Variants in CNTNAP2 observed in about 807,000 individuals in gnomAD.
The protein encoded by CNTNAP2 is contactin-associated protein-like 2.
A neutral mutation model predicts 155.2 loss-of-function variants in CNTNAP2; 98 were observed. The ratio of observed to expected loss-of-function variants is 0.63; its 90% CI spans 0.54 to 0.75. The LOEUF (loss-of-function observed/expected upper bound fraction) is 0.75. Ranked by LOEUF, CNTNAP2 falls within the 30% of genes least tolerant of loss-of-function variation. The probability of loss-of-function intolerance (pLI) is 0.00; values close to 1 mark genes in which losing one functional copy is unlikely to be tolerated. For missense variants in CNTNAP2, 1,727 were observed against 1,688.1 expected, an observed-to-expected ratio of 1.02 and a Z score of -0.40; for synonymous variants, 651 against 631.2, an observed-to-expected ratio of 1.03 and a Z score of -0.47.
chr7:147,200,679 T>G (rs1475425510), intron 8 of CNTNAP2, among the ~76,000 whole-genome samples: 1 of 152,192 alleles, frequency 6.6e-6, no homozygotes. Flanking sequence ...GATTAGTGTC[T>G]CTGCTCACAA....
At chr7:148,303,618 T>C (rs1422964279) in intron 21 of CNTNAP2, among the ~76,000 whole-genome samples, 1 of 152,204 alleles carries the variant, frequency 6.6e-6, no homozygotes, top group Non-Finnish European at 1.5e-5. Flanking sequence ...GACCCCAGAA[T>C]AGAAATATTT....
chr7:146,489,634 T>C (rs977617932), intron 1 of CNTNAP2, among the ~76,000 whole-genome samples: 3 of 152,166 alleles, frequency 2.0e-5, no homozygotes, highest in Non-Finnish European at 4.4e-5. Context: ...CCACTTGGCC[T>C]GCGTGTGCTA....
At chr7:148,295,720 T>G (rs10464471) in intron 21 of CNTNAP2, among the ~76,000 whole-genome samples, 1 of 151,306 alleles carries the variant, frequency 6.6e-6, no homozygotes, top group Non-Finnish European at 1.5e-5. Context: ...CTCCATCTCC[T>G]GACCTCGTGA....
intron 15 of CNTNAP2, among the ~76,000 whole-genome samples, chr7:148,034,359 G>T (rs2116467488): frequency 6.6e-6 from 1 of 152,256 alleles, no homozygotes; most frequent in African/African-American, 2.4e-5. Context: ...CAGGGATATT[G>T]GGAGGTTAAG....
chr7:147,522,543 A>T (rs1203090739), intron 11 of CNTNAP2, among the ~76,000 whole-genome samples: 1 of 152,132 alleles, frequency 6.6e-6, no homozygotes, highest in Non-Finnish European at 1.5e-5. Context: ...ATTAAAAAAA[A>T]ATTTCAAGGG....
intron 1 of CNTNAP2, among the ~76,000 whole-genome samples, chr7:146,713,895 G>A (rs1226687143): frequency 6.6e-6 from 1 of 152,070 alleles, no homozygotes; most frequent in African/African-American, 2.4e-5. Context: ...CTAATACCTA[G>A]CTCAGAGCAT....
chr7:148,337,184 C>A (rs1798135115), intron 21 of CNTNAP2, among the ~76,000 whole-genome samples: 1 of 152,108 alleles, frequency 6.6e-6, no homozygotes, highest in Non-Finnish European at 1.5e-5. Context: ...GCAGACACCC[C>A]ACTAAAGCTG....
At chr7:146,854,780 G>T (rs559949433) in intron 3 of CNTNAP2, among the ~76,000 whole-genome samples, 76 of 152,212 alleles carry the variant, frequency 5.0e-4, no homozygotes, top group Non-Finnish European at 7.6e-4. Flanking sequence ...ATATGAAACA[G>T]GCATCATTGT....
chr7:147,062,531 T>A (rs1799703864), intron 4 of CNTNAP2, among the ~76,000 whole-genome samples: 1 of 152,142 alleles, frequency 6.6e-6, no homozygotes, highest in African/African-American at 2.4e-5. Flanking sequence ...ACTAAATGGG[T>A]ATATTTGAGA....
intron 21 of CNTNAP2, among the ~76,000 whole-genome samples, chr7:148,331,571 G>T (rs1798014043): frequency 2.2e-5 from 1 of 45,468 alleles, no homozygotes; most frequent in Non-Finnish European, 4.6e-5. Context: ...GGATGGAGTG[G>T]ATGGATGGAA....
intron 9 of CNTNAP2, among the ~76,000 whole-genome samples, chr7:147,306,884 T>C (rs548295126): frequency 5.3e-5 from 8 of 152,312 alleles, no homozygotes; most frequent in Non-Finnish European, 1.2e-4. Flanking sequence ...TACTTGTAGA[T>C]AGTAATAATA....
intron 9 of CNTNAP2, chr7:147,378,237 T>G: frequency 3.7e-6 from 1 of 270,376 alleles, no homozygotes; most frequent in Non-Finnish European, 7.3e-6. Context: ...ACTCTGTAGC[T>G]TTGTCTCATC....
intron 9 of CNTNAP2, among the ~76,000 whole-genome samples, chr7:147,393,487 A>G (rs923209957): frequency 2.6e-5 from 4 of 151,768 alleles, no homozygotes; most frequent in Non-Finnish European, 5.9e-5. Context: ...ATTATTCAAA[A>G]AAAAAAAAAA....
chr7:148,054,239 T>C (rs1280456018), intron 15 of CNTNAP2, among the ~76,000 whole-genome samples: 1 of 152,184 alleles, frequency 6.6e-6, no homozygotes, highest in Non-Finnish European at 1.5e-5. Flanking sequence ...CCCATAGTGC[T>C]GGGATTACAG....
At chr7:147,291,331 C>T (rs1805306108) in intron 8 of CNTNAP2, among the ~76,000 whole-genome samples, 1 of 152,024 alleles carries the variant, frequency 6.6e-6, no homozygotes, top group African/African-American at 2.4e-5. Context: ...TCCCCTCACT[C>T]CACAACAGGC....
chr7:146,223,391 A>C (rs1051965580), intron 1 of CNTNAP2, among the ~76,000 whole-genome samples: 1 of 152,242 alleles, frequency 6.6e-6, no homozygotes, highest in African/African-American at 2.4e-5. Flanking sequence ...GGTCAGATGC[A>C]GTAGCTCAAG....
intron 3 of CNTNAP2, among the ~76,000 whole-genome samples, chr7:146,995,335 C>G (rs1167737063): frequency 6.6e-6 from 1 of 152,018 alleles, no homozygotes; most frequent in African/African-American, 2.4e-5. Flanking sequence ...GACTTTATTT[C>G]CTTTGGATCT....
chr7:147,223,068 C>G (rs368361104), intron 8 of CNTNAP2, among the ~76,000 whole-genome samples: 1 of 152,184 alleles, frequency 6.6e-6, no homozygotes, highest in Non-Finnish European at 1.5e-5. Context: ...GCTGTGAAAA[C>G]CTGGTTGAGT....
intron 1 of CNTNAP2, among the ~76,000 whole-genome samples, chr7:146,400,491 G>T (rs960475339): frequency 1.2e-4 from 18 of 152,194 alleles, no homozygotes; most frequent in African/African-American, 4.3e-4. Context: ...TAATTGAGAA[G>T]TAAGGCTGTC....
Sources: allele counts gnomAD v4.1 joint callset (sites outside exome capture counted in the v4.1 genomes callset), GRCh38; gene constraint gnomAD v4.1.1; transcripts MANE v1.5; gene names NCBI Gene and HGNC (gene_info 2026-07-23, HGNC 2026-07-21).